The following STK32A variants were observed in gnomAD, a reference collection of about 807,000 sequenced individuals.
The protein encoded by STK32A is serine/threonine-protein kinase 32A.
Under a neutral mutation model 53.2 loss-of-function variants are expected in STK32A, and 41 were observed. The ratio of observed to expected loss-of-function variants is 0.77; its 90% CI spans 0.60 to 1.00. The LOEUF is 1.00. Ranked by LOEUF, STK32A falls within the 50% of genes least tolerant of loss-of-function variation. The pLI, the probability that STK32A is intolerant of heterozygous loss-of-function variation, is 0.00. For synonymous variants in STK32A, 166 were observed against 162.8 expected, an observed-to-expected ratio of 1.02 and a Z score of -0.15; for missense variants, 458 against 485.8, an observed-to-expected ratio of 0.94 and a Z score of 0.54.
intron 4 of STK32A, among the ~76,000 whole-genome samples, chr5:147,313,442 T>C (rs1209936145): frequency 6.6e-6 from 1 of 152,188 alleles, no homozygotes; most frequent in Non-Finnish European, 1.5e-5. Flanking sequence ...CCTAGTGTGG[T>C]TTGCTCTCCA....
downstream of STK32A, among the ~76,000 whole-genome samples, chr5:147,388,837 T>C (rs1757732561): frequency 6.6e-6 from 1 of 152,204 alleles, no homozygotes; most frequent in South Asian, 2.1e-4. Context: ...AACCACTTCA[T>C]GCCTTTCAGA....
intron 4 of STK32A, among the ~76,000 whole-genome samples, chr5:147,314,498 C>CAAAAAAAAAAAAAAAAAAAAAAAAAA (rs1171767950): frequency 9.4e-5 from 1 of 10,628 alleles, no homozygotes; most frequent in African/African-American, 6.7e-4. Context: ...AACTCCATAT[C>CAAAAAAAAAAAAAAAAAAAAAAAAAA]AAAAAAAACA....
At chr5:147,360,527 C>T (rs1309658246) in intron 7 of STK32A, among the ~76,000 whole-genome samples, 1 of 151,410 alleles carries the variant, frequency 6.6e-6, no homozygotes, top group Non-Finnish European at 1.5e-5. Context: ...GAAAGATTGC[C>T]TTATTGTTCT....
At chr5:147,242,010 T>A (rs1041897696) in intron 2 of STK32A, among the ~76,000 whole-genome samples, 1 of 152,184 alleles carries the variant, frequency 6.6e-6, no homozygotes, top group African/African-American at 2.4e-5. Context: ...AACCAAAGAA[T>A]TGTGACAATT....
At chr5:147,342,915 CCA>C in intron 5 of STK32A, 89 bp from the exon 6 acceptor site, 1 of 1,120,610 alleles carries the variant, frequency 8.9e-7, no homozygotes, top group South Asian at 1.3e-5. Context: ...TGTTTCAACT[CCA>C]GTTAGCTTTC....
At chr5:147,260,257 C>G (rs1389904416) in intron 2 of STK32A, among the ~76,000 whole-genome samples, 59 of 135,352 alleles carry the variant, frequency 4.4e-4, no homozygotes, top group African/African-American at 1.5e-3. Context: ...TCTCTCTCCT[C>G]TCTCTCCCTC....
chr5:147,382,777 G>A (rs1199521480), intron 11 of STK32A: 2 of 152,126 alleles, frequency 1.3e-5, no homozygotes, highest in South Asian at 2.1e-4. Context: ...AGCCTTTCAC[G>A]TGTGGCTCCC....
intron 5 of STK32A, among the ~76,000 whole-genome samples, chr5:147,337,695 G>A (rs1486925964): frequency 2.0e-5 from 3 of 151,802 alleles, no homozygotes; most frequent in African/African-American, 2.4e-5. Flanking sequence ...TAGAACTTAC[G>A]TCCTAGTGGG....
intron 4 of STK32A, among the ~76,000 whole-genome samples, chr5:147,312,575 G>A (rs1753756559): frequency 6.6e-6 from 1 of 152,178 alleles, no homozygotes; most frequent in Non-Finnish European, 1.5e-5. Flanking sequence ...ACTTATATGT[G>A]TTAAAGAAGG....
chr5:147,259,242 A>T (rs192174617), intron 2 of STK32A, among the ~76,000 whole-genome samples: 1 of 152,240 alleles, frequency 6.6e-6, no homozygotes, highest in East Asian at 1.9e-4. Context: ...CTTTTTATAT[A>T]TTTTTTGACT....
At chr5:147,335,858 T>C (rs1755094008) in intron 5 of STK32A, among the ~76,000 whole-genome samples, 1 of 152,226 alleles carries the variant, frequency 6.6e-6, no homozygotes, top group African/African-American at 2.4e-5. Context: ...AATGTGTGTG[T>C]TACAGAGAAG....
the STK32A span, among the ~76,000 whole-genome samples, chr5:147,396,985 T>G: frequency 6.8e-6 from 1 of 147,910 alleles, no homozygotes; most frequent in Admixed American, 6.8e-5. Context: ...TTTATTGTAT[T>G]GTTATAATAC....
chr5:147,335,341 T>G (rs898693881), intron 5 of STK32A, among the ~76,000 whole-genome samples: 5 of 152,170 alleles, frequency 3.3e-5, no homozygotes, highest in African/African-American at 7.2e-5. Flanking sequence ...TAAAAGAGAT[T>G]TATTATCTTA....
At chr5:147,360,801 G>A (rs1443516561) in intron 7 of STK32A, among the ~76,000 whole-genome samples, 1 of 152,158 alleles carries the variant, frequency 6.6e-6, no homozygotes, top group Non-Finnish European at 1.5e-5. Context: ...ACATCCCTCA[G>A]GAGTTAGGTT....
the STK32A span, chr5:147,401,820 C>G: frequency 8.5e-7 from 1 of 1,172,036 alleles, no homozygotes; most frequent in Non-Finnish European, 1.2e-6. Context: ...GACCTGGGTT[C>G]AAGTCCATGT....
intron 4 of STK32A, among the ~76,000 whole-genome samples, chr5:147,314,908 C>A (rs1313522763): frequency 2.0e-5 from 3 of 151,824 alleles, no homozygotes; most frequent in Non-Finnish European, 2.9e-5. Flanking sequence ...CCGCACCAGA[C>A]AATTTTTTTT....
At chr5:147,351,004 A>G in intron 6 of STK32A, 61 bp from the exon 7 acceptor site, 3 of 1,448,744 alleles carry the variant, frequency 2.1e-6, no homozygotes, top group South Asian at 1.2e-5. Flanking sequence ...AGTTAAAAGC[A>G]TGATTGTGCC....
intron 2 of STK32A, among the ~76,000 whole-genome samples, chr5:147,264,211 G>A (rs1389606466): frequency 2.6e-5 from 4 of 152,200 alleles, no homozygotes; most frequent in African/African-American, 9.7e-5. Flanking sequence ...AAACAAGAAA[G>A]AAGGGGGCAC....
chr5:147,365,217 C>T (rs556231179), intron 8 of STK32A, among the ~76,000 whole-genome samples: 131 of 152,192 alleles, frequency 8.6e-4, no homozygotes, highest in Non-Finnish European at 1.5e-3. Flanking sequence ...CTTTATCTTG[C>T]TCAGGAAATC....
Sources: allele counts gnomAD v4.1 joint callset (sites outside exome capture counted in the v4.1 genomes callset), GRCh38; gene constraint gnomAD v4.1.1; transcripts MANE v1.5; gene names NCBI Gene and HGNC (gene_info 2026-07-23, HGNC 2026-07-21).